The following PRKCA variants were observed in gnomAD, a reference collection of about 807,000 sequenced individuals.
PRKCA encodes protein kinase C alpha, also known as protein kinase C alpha type.
In PRKCA, 27 loss-of-function variants were observed where a neutral mutation model predicts 87.0. The observed-to-expected ratio is 0.31, with a 90% CI of 0.23 to 0.43. The LOEUF (loss-of-function observed/expected upper bound fraction) is 0.43. PRKCA is among the 20% of genes least tolerant of loss of function. PRKCA has a pLI of 1.00. For missense variants in PRKCA, 518 were observed against 852.3 expected (o/e 0.61, Z 4.88); for synonymous variants, 329 against 311.1 (o/e 1.06, Z -0.61).
intron 2 of PRKCA, among the ~76,000 whole-genome samples, chr17:66,395,933 T>G (rs1266389272): frequency 1.3e-5 from 2 of 152,162 alleles, no homozygotes; most frequent in Non-Finnish European, 2.9e-5. Context: ...TTTCACTCTT[T>G]CCTTAATTAT....
At chr17:66,775,153 TTGAA>T in intron 14 of PRKCA, 1 of 868,732 alleles carries the variant, frequency 1.2e-6, no homozygotes, top group Non-Finnish European at 1.3e-6. Context: ...GCCTGAGTCT[TTGAA>T]TGACCCTGTG....
At chr17:66,695,341 G>C (rs968888181) in intron 8 of PRKCA, among the ~76,000 whole-genome samples, 2 of 152,166 alleles carry the variant, frequency 1.3e-5, no homozygotes, top group Non-Finnish European at 2.9e-5. Flanking sequence ...CGAAACATAC[G>C]TTTGCTCATT....
intron 2 of PRKCA, among the ~76,000 whole-genome samples, chr17:66,431,986 G>A (rs1010741507): frequency 3.3e-5 from 5 of 152,058 alleles, no homozygotes; most frequent in African/African-American, 4.8e-5. Context: ...TTTCAAGACC[G>A]TTCCCTTTTT....
intron 4 of PRKCA, among the ~76,000 whole-genome samples, chr17:66,645,174 T>C (rs1333530156): frequency 1.3e-5 from 2 of 152,136 alleles, no homozygotes; most frequent in Non-Finnish European, 1.5e-5. Flanking sequence ...TGAGCAAATA[T>C]GGTATGAGTA....
chr17:66,786,618 C>G (rs1268348168), intron 14 of PRKCA, among the ~76,000 whole-genome samples: 1 of 152,126 alleles, frequency 6.6e-6, no homozygotes, highest in Non-Finnish European at 1.5e-5. Context: ...AACACTTTCC[C>G]TAAAGATTGT....
intron 3 of PRKCA, among the ~76,000 whole-genome samples, chr17:66,542,035 C>A (rs1411850581): frequency 1.3e-5 from 2 of 152,168 alleles, no homozygotes; most frequent in African/African-American, 4.8e-5. Context: ...TCCTGAAGCT[C>A]GTGTTGCGGT....
At chr17:66,604,207 A>G (rs957382086) in intron 3 of PRKCA, among the ~76,000 whole-genome samples, 32 of 152,122 alleles carry the variant, frequency 2.1e-4, no homozygotes, top group African/African-American at 7.2e-4. Flanking sequence ...ATAGCTCTAA[A>G]TAAGAACTTG....
chr17:66,565,508 A>G (rs1968861822), intron 3 of PRKCA, among the ~76,000 whole-genome samples: 1 of 152,196 alleles, frequency 6.6e-6, no homozygotes, highest in East Asian at 1.9e-4. Context: ...TAGCTCCACA[A>G]TTATAACGTG....
intron 2 of PRKCA, among the ~76,000 whole-genome samples, chr17:66,456,462 G>T (rs995025736): frequency 6.6e-6 from 1 of 152,156 alleles, no homozygotes; most frequent in Non-Finnish European, 1.5e-5. Flanking sequence ...AGAGGCCATT[G>T]CCCCAAACCA....
At chr17:66,706,431 C>T (rs533493341) in intron 8 of PRKCA, among the ~76,000 whole-genome samples, 2 of 151,190 alleles carry the variant, frequency 1.3e-5, no homozygotes, top group Admixed American at 6.6e-5. Context: ...GTCAGGAGAT[C>T]GAGACCATCC....
rs980292399 is a variant in PRKCA, at chr17:66,804,781, T to C, written c.*744T>C. On this transcript the variant is annotated 3_prime_UTR_variant, in exon 17 of 17. Transcript: ENST00000413366. ...GTCTAAGGACGTTGCTGAACAAGCG[T>C]GTGAAATCATTTCAGATCAAGGATA... is the stretch of plus-strand genomic sequence containing the variant. 6.3e-6 allele frequency: 1 copy of C among 157,694 alleles called. No individual in the cohort carries two copies. Among genetic ancestry groups the C allele is most frequent in the African/African-American group, 2.4e-5 (1 of 41,314 alleles). The allele number at this position is 157,694 out of a possible 1,614,324, so 9.8% of individuals were successfully genotyped here.
chr17:66,327,230 G>C (rs1906033853), intron 2 of PRKCA, among the ~76,000 whole-genome samples: 1 of 151,858 alleles, frequency 6.6e-6, no homozygotes, highest in South Asian at 2.1e-4. Context: ...AGCTGAGTGT[G>C]GTGGTGGGCG....
chr17:66,436,254 T>G (rs1031254739), intron 2 of PRKCA, among the ~76,000 whole-genome samples: 30 of 152,166 alleles, frequency 2.0e-4, no homozygotes, highest in African/African-American at 7.2e-4. Context: ...GGGGGAAGTC[T>G]TAGCACTCTT....
intron 5 of PRKCA, among the ~76,000 whole-genome samples, chr17:66,649,605 C>A (rs1971539729): frequency 6.6e-6 from 1 of 152,182 alleles, no homozygotes; most frequent in African/African-American, 2.4e-5. Flanking sequence ...GCTTTCAGTG[C>A]ATAGGCTATG....
At chr17:66,642,438 C>T (rs768445703) in intron 4 of PRKCA, among the ~76,000 whole-genome samples, 2 of 150,440 alleles carry the variant, frequency 1.3e-5, no homozygotes, top group African/African-American at 2.5e-5. Flanking sequence ...CTGCTTTGAT[C>T]GTTCTTAAAG....
intron 5 of PRKCA, among the ~76,000 whole-genome samples, chr17:66,673,356 C>T (rs1010876280): frequency 3.3e-5 from 5 of 152,158 alleles, no homozygotes; most frequent in Admixed American, 2.0e-4. Context: ...CTCTTATCAC[C>T]AAGCAGCCAG....
At chr17:66,475,919 T>C (rs144433395) in intron 2 of PRKCA, among the ~76,000 whole-genome samples, 1 of 152,118 alleles carries the variant, frequency 6.6e-6, no homozygotes, top group East Asian at 1.9e-4. Flanking sequence ...TTTTTTGAGA[T>C]GGAGTCTTGC....
chr17:66,414,384 C>G (rs1175753766), intron 2 of PRKCA, among the ~76,000 whole-genome samples: 1 of 152,218 alleles, frequency 6.6e-6, no homozygotes, highest in African/African-American at 2.4e-5. Context: ...CCCGCTTTGC[C>G]TTCTGCCATG....
At chr17:66,577,217 A>G (rs1969266481) in intron 3 of PRKCA, among the ~76,000 whole-genome samples, 1 of 152,146 alleles carries the variant, frequency 6.6e-6, no homozygotes, top group Non-Finnish European at 1.5e-5. Flanking sequence ...AGGATGGCAG[A>G]ATAACTAGGC....
Sources: allele counts gnomAD v4.1 joint callset (sites outside exome capture counted in the v4.1 genomes callset), GRCh38; gene constraint gnomAD v4.1.1; transcripts MANE v1.5; gene names NCBI Gene and HGNC (gene_info 2026-07-23, HGNC 2026-07-21).